Variants in DYM observed in about 807,000 individuals in gnomAD.
DYM encodes dymeclin, also known as dyggve-Melchior-Clausen syndrome protein.
A neutral mutation model predicts 93.1 loss-of-function variants in DYM; 78 were observed. That is an observed-to-expected ratio of 0.84 (90% CI 0.70 to 1.01). The LOEUF is 1.01. DYM is among the 50% of genes least tolerant of loss of function. The pLI, the probability that DYM is intolerant of heterozygous loss-of-function variation, is 0.00. For synonymous variants in DYM, 321 were observed against 319.7 expected, an observed-to-expected ratio of 1.00 and a Z score of -0.04; for missense variants, 789 against 845.0, an observed-to-expected ratio of 0.93 and a Z score of 0.82.
chr18:49,063,125 GA>G (rs1255300866), intron 17 of DYM, among the ~76,000 whole-genome samples: 1 of 152,046 alleles, frequency 6.6e-6, no homozygotes, highest in Non-Finnish European at 1.5e-5. Flanking sequence ...ACAAATAAGA[GA>G]AAAAGCACAT....
intron 2 of DYM, 30 bp from the exon 3 acceptor site, chr18:49,391,675 A>C: frequency 6.4e-7 from 1 of 1,563,646 alleles, no homozygotes; most frequent in African/African-American, 1.4e-5. Flanking sequence ...AAGGTAATTA[A>C]TGACTATAAT....
At chr18:49,074,608 G>A (rs995753198) in intron 17 of DYM, among the ~76,000 whole-genome samples, 5 of 152,112 alleles carry the variant, frequency 3.3e-5, no homozygotes, top group African/African-American at 1.2e-4. Context: ...CAAAACTAGG[G>A]CTCATTACCT....
At chr18:49,077,778 T>C (rs1410127122) in intron 17 of DYM, among the ~76,000 whole-genome samples, 2 of 152,390 alleles carry the variant, frequency 1.3e-5, no homozygotes, top group East Asian at 1.9e-4. Context: ...AGTAAAGCCA[T>C]GTTATGCTTA....
intron 13 of DYM, among the ~76,000 whole-genome samples, chr18:49,245,294 CA>C (rs1217299454): frequency 2.0e-5 from 3 of 152,138 alleles, no homozygotes; most frequent in Non-Finnish European, 4.4e-5. Flanking sequence ...AACAGAATAA[CA>C]GCGATTTTCA....
chr18:49,164,776 C>T lies in DYM; in HGVS notation c.1626-989G>A, dbSNP rs184057918. 2.6e-3 allele frequency among the ~76,000 whole-genome samples: 396 copies of T among 152,212 alleles called. 1 individual carries two copies. Among genetic ancestry groups the T allele is most frequent in the African/African-American group, 9.2e-3 (381 of 41,530 alleles). ...GAGGGATATTGGAGCTCCAACCAGCCAGAAGATAAAAATCAATGAACATGA... is the reference window on the plus strand; with the variant it reads ...GAGGGATATTGGAGCTCCAACCAGCTAGAAGATAAAAATCAATGAACATGA... On this transcript the variant is annotated intron_variant, in intron 14 of 17. Transcript: ENST00000675505.
Position 49,333,723 on chromosome 18 carries a change from CA to C in DYM, c.620+4del. The stretch of plus-strand genomic sequence containing the variant: ...AAACTAGACATACTTAAAGTAGAAA[CA>C]TACCATGGACCTCGCATCAAATACT... On this transcript the variant is annotated splice_donor_region_variant and intron_variant, in intron 7 of 17. Transcript: ENST00000675505. The C allele has an allele frequency of 6.2e-7, 1 of 1,613,702 alleles. No individual in the cohort carries two copies. The highest frequency in any genetic ancestry group is 8.5e-7 in the Non-Finnish European group (1 of 1,179,732).
At chr18:49,341,137 A>T (rs1386646767) in intron 6 of DYM, among the ~76,000 whole-genome samples, 3 of 152,204 alleles carry the variant, frequency 2.0e-5, no homozygotes, top group Non-Finnish European at 4.4e-5. Flanking sequence ...ACCAAATTTC[A>T]TGACAAAAAA....
intron 14 of DYM, among the ~76,000 whole-genome samples, chr18:49,181,734 G>A (rs2089946619): frequency 6.6e-6 from 1 of 152,034 alleles, no homozygotes; most frequent in Non-Finnish European, 1.5e-5. Flanking sequence ...TTGGCCAAAG[G>A]TTTATCATTT....
At chr18:49,075,376 C>T (rs1331711920) in intron 17 of DYM, among the ~76,000 whole-genome samples, 1 of 152,156 alleles carries the variant, frequency 6.6e-6, no homozygotes, top group African/African-American at 2.4e-5. Context: ...CTGAATACTG[C>T]TGTGGGATAC....
intron 16 of DYM, among the ~76,000 whole-genome samples, chr18:49,108,833 G>A (rs1347779832): frequency 3.3e-5 from 5 of 152,106 alleles, no homozygotes; most frequent in Admixed American, 6.5e-5. Context: ...CCAATTATGG[G>A]TTTGTTTGTG....
At chr18:49,393,059 GGGAGGA>G (rs1219173978) in intron 2 of DYM, among the ~76,000 whole-genome samples, 3 of 134,026 alleles carry the variant, frequency 2.2e-5, no homozygotes, top group African/African-American at 8.2e-5. Context: ...AGGGGAGGAG[GGGAGGA>G]GGAGGAGGAG....
At chr18:49,405,825 A>AT (rs1389622707) in intron 2 of DYM, among the ~76,000 whole-genome samples, 1 of 152,222 alleles carries the variant, frequency 6.6e-6, no homozygotes, top group Non-Finnish European at 1.5e-5. Context: ...CAGTATGGCC[A>AT]TTTTAACAAT....
intron 13 of DYM, among the ~76,000 whole-genome samples, chr18:49,217,879 C>A (rs182621872): frequency 8.7e-4 from 132 of 152,252 alleles, no homozygotes; most frequent in Middle Eastern, 3.4e-3. Flanking sequence ...ACATCATAAC[C>A]ACAGGATCAA....
At chr18:49,251,790 T>C (rs2144983135) in intron 13 of DYM, among the ~76,000 whole-genome samples, 1 of 152,282 alleles carries the variant, frequency 6.6e-6, no homozygotes. Flanking sequence ...TCTCAAACCC[T>C]GGCAGTCTGG....
At chr18:49,267,061 T>C (rs1373361643) in intron 11 of DYM, among the ~76,000 whole-genome samples, 1 of 152,052 alleles carries the variant, frequency 6.6e-6, no homozygotes, top group Non-Finnish European at 1.5e-5. Flanking sequence ...AAACAATCAA[T>C]AGACTCAAAA....
At chr18:49,317,596 TCCCCC>T (rs144920853) in intron 8 of DYM, among the ~76,000 whole-genome samples, 1,270 of 31,008 alleles carry the variant, frequency 0.041, 54 homozygotes, top group East Asian at 0.05. Context: ...TCTCTCTCTC[TCCCCC>T]CTCCCCCCTC....
intron 2 of DYM, among the ~76,000 whole-genome samples, chr18:49,394,949 A>G (rs900012129): frequency 3.3e-5 from 5 of 152,212 alleles, no homozygotes; most frequent in African/African-American, 1.2e-4. Context: ...ACATGCAGAA[A>G]AATGAAACTA....
intron 17 of DYM, among the ~76,000 whole-genome samples, chr18:49,075,694 C>T (rs372811251): frequency 5.9e-5 from 9 of 152,088 alleles, no homozygotes; most frequent in South Asian, 4.1e-4. Flanking sequence ...TTTTCCAACA[C>T]GGAAAATTCA....
intron 15 of DYM, among the ~76,000 whole-genome samples, chr18:49,137,952 T>C (rs2084031691): frequency 6.6e-6 from 1 of 152,192 alleles, no homozygotes; most frequent in Non-Finnish European, 1.5e-5. Context: ...AAAAACCCCT[T>C]GGTTTTACAC....
Sources: gnomAD v4.1 joint callset for allele counts (sites outside exome capture counted in the v4.1 genomes callset) on GRCh38, gnomAD v4.1.1 for gene constraint, MANE v1.5 for transcripts, NCBI Gene and HGNC (gene_info 2026-07-23, HGNC 2026-07-21) for gene names.